Variants in RIPK1 observed in about 807,000 individuals in gnomAD.
The protein encoded by RIPK1 is receptor-interacting serine/threonine-protein kinase 1.
Under a neutral mutation model 62.4 loss-of-function variants are expected in RIPK1, and 27 were observed. The ratio of observed to expected loss-of-function variants is 0.43; its 90% CI spans 0.32 to 0.60. RIPK1 has a LOEUF of 0.60. RIPK1 is among the 20% of genes least tolerant of loss of function. The pLI is 0.07. For synonymous variants in RIPK1, 287 were observed against 303.2 expected (o/e 0.95, Z 0.55); for missense variants, 735 against 831.0 (o/e 0.88, Z 1.42).
chr6:3,113,441 G>A lies in RIPK1; in HGVS notation c.*102G>A. 8.9e-7 allele frequency: 1 copy of A among 1,126,494 alleles called. No homozygotes were observed. Among genetic ancestry groups the A allele is most frequent in the East Asian group, 2.6e-5 (1 of 39,084 alleles). 69.8% of individuals were successfully genotyped at this position (1,126,494 alleles called of 1,614,324 possible). A position where few individuals can be genotyped will look rare whatever the true frequency, so the allele number is the denominator to read the frequency against. On this transcript the variant is annotated 3_prime_UTR_variant, in exon 11 of 11. Coordinates refer to ENST00000259808, the MANE Select transcript of RIPK1 (RefSeq NM_001354930.2). This position sits in a 1 kb window ranked among gnomAD's most constrained non-coding sequence, Gnocchi z 5.0. ...TTCAGAATTCTGTCCTCACTGATAG[G>A]GGTTCTGTGTCTGCAGAAATTTTGT... is the stretch of plus-strand genomic sequence containing the variant.
At chr6:3,068,171 C>T (rs1758468322), upstream of RIPK1, 1 of 969,934 alleles carries the variant, frequency 1.0e-6, no homozygotes, top group Non-Finnish European at 1.2e-6. Context: ...TCCTCAACAG[C>T]CCCACTTTAC....
At position 3,115,160 on chromosome 6, in the gene RIPK1, CTT is replaced by C. The variant is rs1407561895; in HGVS notation, c.*1825_*1826del. ...CAAGAGGGCAAGGCATTTTTTAACA[CTT>C]TTTAAAATAAAAATTTATACCACAA... On this transcript the variant is annotated 3_prime_UTR_variant, in exon 11 of 11. Coordinates refer to ENST00000259808, the MANE Select transcript of RIPK1 (RefSeq NM_001354930.2). The C allele has an allele frequency of 6.6e-6, 1 of 152,140 alleles. No homozygotes were observed. Among genetic ancestry groups the C allele is most frequent in the East Asian group, 1.9e-4 (1 of 5,196 alleles). The allele number at this position is 152,140 out of a possible 1,614,324, so 9.4% of individuals were successfully genotyped here.
At chr6:3,083,344 C>T (rs1759518870) in intron 5 of RIPK1, 31 bp downstream of exon 5, 4 of 1,563,688 alleles carry the variant, frequency 2.6e-6, no homozygotes. Context: ...CACTGCCGTC[C>T]CCTCAGCATC....
At chr6:3,081,296 T>C (rs1581392999) in intron 4 of RIPK1, among the ~76,000 whole-genome samples, 180 bp downstream of exon 4, 2 of 152,316 alleles carry the variant, frequency 1.3e-5, no homozygotes, top group Admixed American at 1.3e-4. Context: ...CTTGATGGGA[T>C]CAGGAGATAA....
At chr6:3,090,348 C>A (rs1336099815) in intron 7 of RIPK1, among the ~76,000 whole-genome samples, 1 of 152,024 alleles carries the variant, frequency 6.6e-6, no homozygotes. Flanking sequence ...CAGCAACCTA[C>A]CCCATAATCA....
At chr6:3,097,827 C>T (rs917290411) in intron 7 of RIPK1, among the ~76,000 whole-genome samples, 13 of 151,794 alleles carry the variant, frequency 8.6e-5, no homozygotes, top group East Asian at 1.9e-4. Flanking sequence ...TAAATTTATA[C>T]ATTTATAAAT....
intron 6 of RIPK1, among the ~76,000 whole-genome samples, chr6:3,087,154 C>A (rs7765947): frequency 0.066 from 10,080 of 152,072 alleles, 745 homozygotes; most frequent in African/African-American, 0.18. Flanking sequence ...GCTTTCAAGA[C>A]TTTGTCTTTA....
At chr6:3,107,587 A>C (rs1291162876) in intron 9 of RIPK1, among the ~76,000 whole-genome samples, 1 of 147,850 alleles carries the variant, frequency 6.8e-6, no homozygotes, top group Admixed American at 6.7e-5. Context: ...AAAAAAAAAA[A>C]TTCCAAAACT....
intron 4 of RIPK1, among the ~76,000 whole-genome samples, chr6:3,081,882 A>T (rs1759406381): frequency 2.1e-5 from 3 of 144,694 alleles, no homozygotes; most frequent in African/African-American, 7.9e-5. Context: ...AAAAAAAAAA[A>T]AAAAAAAAAA....
chr6:3,073,254 TATATTACA>T, intron 1 of RIPK1, among the ~76,000 whole-genome samples: 1 of 150,904 alleles, frequency 6.6e-6, no homozygotes, highest in South Asian at 2.1e-4. Context: ...TCATATATTA[TATATTACA>T]TATATACATA....
chr6:3,080,131 C>T (rs1696372221), intron 3 of RIPK1, among the ~76,000 whole-genome samples: 1 of 152,188 alleles, frequency 6.6e-6, no homozygotes, highest in African/African-American at 2.4e-5. Context: ...AACAGTGTAG[C>T]TCTGCTACGT....
chr6:3,073,314 A>G (rs536548029), intron 1 of RIPK1, among the ~76,000 whole-genome samples: 10 of 151,834 alleles, frequency 6.6e-5, no homozygotes, highest in South Asian at 4.1e-4. Context: ...ACATGAACGT[A>G]TACTTTTTTT....
intron 1 of RIPK1, among the ~76,000 whole-genome samples, chr6:3,071,812 G>A (rs577007076): frequency 6.6e-6 from 1 of 152,112 alleles, no homozygotes; most frequent in African/African-American, 2.4e-5. Context: ...AAACTCCACC[G>A]CACACAGCAG....
upstream of RIPK1, among the ~76,000 whole-genome samples, chr6:3,067,595 A>AG (rs1012132691): frequency 1.8e-5 from 2 of 113,666 alleles, no homozygotes; most frequent in African/African-American, 5.6e-5. Context: ...GCATTTTAAG[A>AG]GGGTTTTTTT....
chr6:3,077,735 C>T lies in RIPK1; in HGVS notation c.165-44C>T, dbSNP rs543386685. On this transcript the variant is annotated intron_variant, in intron 2 of 10. Transcript: ENST00000259808. Reference sequence around the variant, plus strand: ...GGAGGTGTGCACCAGGCTCTTGAGGCGCTGGCTCTGCCAGCCTCAGCATAG... The same window carrying T: ...GGAGGTGTGCACCAGGCTCTTGAGGTGCTGGCTCTGCCAGCCTCAGCATAG... The T allele has an allele frequency of 1.1e-4, 180 of 1,602,628 alleles. 1 individual carries two copies. In the South Asian group the frequency reaches 1.7e-3, roughly 15 times the overall value.
chr6:3,074,996 T>A (rs1181199343), intron 1 of RIPK1, among the ~76,000 whole-genome samples: 1 of 152,248 alleles, frequency 6.6e-6, no homozygotes, highest in Non-Finnish European at 1.5e-5. Flanking sequence ...TGGGTATTTC[T>A]GGAATACAAA....
intron 4 of RIPK1, 29 bp from the exon 5 acceptor site, chr6:3,083,056 C>G (rs771143294): frequency 8.1e-5 from 130 of 1,606,482 alleles, no homozygotes; most frequent in Non-Finnish European, 1.1e-4. Context: ...CTTCACCAAA[C>G]AATCCCAGTG....
At chr6:3,099,337 G>T (rs1760480826) in intron 7 of RIPK1, among the ~76,000 whole-genome samples, 1 of 152,240 alleles carries the variant, frequency 6.6e-6, no homozygotes, top group African/African-American at 2.4e-5. Flanking sequence ...GAGATCAGGA[G>T]ATCGAGACCA....
intron 3 of RIPK1, among the ~76,000 whole-genome samples, chr6:3,080,631 C>T (rs1333550580): frequency 6.6e-6 from 1 of 152,162 alleles, no homozygotes; most frequent in Non-Finnish European, 1.5e-5. Flanking sequence ...TTTATTCATC[C>T]ATTCATTCAA....
Sources: allele counts gnomAD v4.1 joint callset (sites outside exome capture counted in the v4.1 genomes callset), GRCh38; gene constraint gnomAD v4.1.1; non-coding constraint Gnocchi (gnomAD v3.1); transcripts MANE v1.5; gene names NCBI Gene and HGNC (gene_info 2026-07-23, HGNC 2026-07-21).